The following GLIS3 variants were observed in gnomAD, a reference collection of about 807,000 sequenced individuals.
GLIS3 encodes GLIS family zinc finger 3, also known as zinc finger protein GLIS3.
GLIS3 carries 53 observed loss-of-function variants against 78.6 expected under a neutral mutation model. The ratio of observed to expected loss-of-function variants is 0.67; its 90% confidence interval spans 0.54 to 0.85. The LOEUF is 0.85. Ranked by LOEUF, GLIS3 falls within the 40% of genes least tolerant of loss-of-function variation. The pLI is 0.00. For missense variants in GLIS3, 1,703 were observed against 1,231.1 expected (o/e 1.38, Z -5.74); for synonymous variants, 684 against 509.9 (o/e 1.34, Z -4.60).
intron 2 of GLIS3, among the ~76,000 whole-genome samples, chr9:4,322,424 G>A (rs1178939431): frequency 1.3e-5 from 2 of 152,124 alleles, no homozygotes; most frequent in South Asian, 2.1e-4. Flanking sequence ...CAAAGTAATG[G>A]GATTGCTGGG....
At chr9:4,245,886 C>T (rs7856023) in intron 2 of GLIS3, among the ~76,000 whole-genome samples, 151,073 of 152,304 alleles carry the variant, frequency 0.99, 74,936 homozygotes, top group East Asian at 1. Flanking sequence ...ACAAGTTTTG[C>T]TGGTCTTTCA....
chr9:4,307,165 G>T (rs1306896098), intron 4 of GLIS3, among the ~76,000 whole-genome samples: 1 of 152,122 alleles, frequency 6.6e-6, no homozygotes, highest in Non-Finnish European at 1.5e-5. Flanking sequence ...ACAGTGTAGA[G>T]GCTAATGAGT....
intron 7 of GLIS3, among the ~76,000 whole-genome samples, chr9:3,882,803 T>A (rs903322640): frequency 1.3e-5 from 2 of 152,218 alleles, no homozygotes; most frequent in East Asian, 3.8e-4. Flanking sequence ...ATGTACTTCT[T>A]ATCTAGGGTG....
In GLIS3 at chr9:3,856,079, T is replaced by C; in HGVS notation, c.2403A>G (p.Ser801=). 1.2e-6 allele frequency: 2 copies of C among 1,614,218 alleles called. No individual in the cohort carries two copies. The highest frequency in any genetic ancestry group is 8.5e-7 in the Non-Finnish European group (1 of 1,180,020). The change falls in exon 9 of 11, where the codon TCA becomes TCG. Residue 801 remains serine, a synonymous_variant. Coordinates refer to ENST00000381971, the MANE Select transcript of GLIS3 (RefSeq NM_001042413.2). Reference sequence around the variant, plus strand: ...GCTGATAGGACTTCAGGTGTGAACCTGATGGCTGCTGGGTATAGGGAGGCT... The same window carrying C: ...GCTGATAGGACTTCAGGTGTGAACCCGATGGCTGCTGGGTATAGGGAGGCT... ...RTQPPYTQQP[S]GSHLKSYQPE...
At chr9:4,293,644 T>C (rs1043835343) in intron 1 of GLIS3, among the ~76,000 whole-genome samples, 2 of 151,288 alleles carry the variant, frequency 1.3e-5, no homozygotes, top group African/African-American at 2.4e-5. Flanking sequence ...AGCCCTGGCA[T>C]CTGGTTGGTT....
the GLIS3 span, among the ~76,000 whole-genome samples, chr9:4,370,547 C>T: frequency 4.4e-4 from 67 of 152,256 alleles, 2 homozygotes; most frequent in South Asian, 0.013. Flanking sequence ...ATCACACCCT[C>T]TTTTTCTCTG....
At chr9:4,059,059 CCT>C (rs1352135313) in intron 4 of GLIS3, among the ~76,000 whole-genome samples, 1 of 151,998 alleles carries the variant, frequency 6.6e-6, no homozygotes, top group Non-Finnish European at 1.5e-5. Context: ...CGAAGGGGAC[CCT>C]GAGTCATCTA....
chr9:4,200,854 T>C (rs1019817792), intron 2 of GLIS3, among the ~76,000 whole-genome samples: 4 of 152,112 alleles, frequency 2.6e-5, no homozygotes, highest in East Asian at 3.8e-4. Context: ...AGGATCACCT[T>C]GAGACCAAAA....
chr9:3,944,983 A>C (rs1202224769), intron 4 of GLIS3, among the ~76,000 whole-genome samples: 1 of 152,210 alleles, frequency 6.6e-6, no homozygotes, highest in Non-Finnish European at 1.5e-5. Context: ...TGCTTTGGAG[A>C]CAACTGATGC....
chr9:4,345,962 GAAC>G (rs1419751783), intron 2 of GLIS3, among the ~76,000 whole-genome samples: 1 of 152,018 alleles, frequency 6.6e-6, no homozygotes, highest in African/African-American at 2.4e-5. Flanking sequence ...TATTCAAAAA[GAAC>G]AAATAAAATA....
chr9:4,248,068 A>G (rs954735049), intron 2 of GLIS3, among the ~76,000 whole-genome samples: 2 of 152,130 alleles, frequency 1.3e-5, no homozygotes, highest in African/African-American at 4.8e-5. Flanking sequence ...GTCTCTGAGA[A>G]CCATTATTCT....
chr9:4,471,609 G>A, the GLIS3 span, among the ~76,000 whole-genome samples: 1 of 152,148 alleles, frequency 6.6e-6, no homozygotes, highest in Non-Finnish European at 1.5e-5. Flanking sequence ...ATTAATTCAA[G>A]ATGGATTAAA....
chr9:4,175,463 A>T (rs935369644), intron 2 of GLIS3, among the ~76,000 whole-genome samples: 1 of 150,790 alleles, frequency 6.6e-6, no homozygotes, highest in Non-Finnish European at 1.5e-5. Flanking sequence ...AAAAAGCTGG[A>T]CCTCCAGCTA....
chr9:4,091,344 G>A (rs1258202960), intron 4 of GLIS3, among the ~76,000 whole-genome samples: 1 of 151,892 alleles, frequency 6.6e-6, no homozygotes, highest in Admixed American at 6.6e-5. Context: ...TCCAGCCTGG[G>A]CAACAGAGTG....
intron 2 of GLIS3, among the ~76,000 whole-genome samples, chr9:4,261,306 C>T (rs574483379): frequency 3.9e-5 from 6 of 151,916 alleles, no homozygotes; most frequent in East Asian, 1.9e-4. Context: ...GAGAGTGAGA[C>T]GTGGGACTTG....
At chr9:4,187,925 A>T (rs1817961721) in intron 2 of GLIS3, among the ~76,000 whole-genome samples, 1 of 152,014 alleles carries the variant, frequency 6.6e-6, no homozygotes, top group African/African-American at 2.4e-5. Flanking sequence ...CTAGATATAC[A>T]ATCATGTCAT....
In GLIS3 at chr9:4,118,234, T is replaced by C. The variant is rs1351598978; in HGVS notation, c.1244A>G (p.His415Arg). The change falls in exon 4 of 11, where the codon CAT (histidine) becomes CGT (arginine). Residue 415 changes from histidine (H) to arginine (R), a missense_variant. By Grantham distance (29) the His-to-Arg change is conservative. Transcript: ENST00000381971. This position sits in a 1 kb window ranked among gnomAD's most constrained non-coding sequence, Gnocchi z 4.7. The stretch of plus-strand genomic sequence containing the variant: ...CTGGCTGTCGGGGCCCGGCAGGCCA[T>C]GCTGCACCACCATGTGGTTGACCAG... ...PGLVNHMVVQ[H>R]GLPGPDSQSA... The C allele has an allele frequency of 1.3e-6, 2 of 1,590,110 alleles. No individual in the cohort carries two copies. The highest frequency in any genetic ancestry group is 8.6e-7 in the Non-Finnish European group (1 of 1,168,634).
At chr9:4,412,441 G>A in the GLIS3 span, among the ~76,000 whole-genome samples, 1 of 152,130 alleles carries the variant, frequency 6.6e-6, no homozygotes, top group Non-Finnish European at 1.5e-5. Context: ...CATACCTAGT[G>A]TAACCTAAGA....
chr9:4,291,761 T>C (rs971429684), intron 1 of GLIS3, among the ~76,000 whole-genome samples: 2 of 152,148 alleles, frequency 1.3e-5, no homozygotes, highest in Non-Finnish European at 2.9e-5. Flanking sequence ...TTCAGGACCT[T>C]CAGGAATACA....
Sources: gnomAD v4.1 joint callset for allele counts (sites outside exome capture counted in the v4.1 genomes callset) on GRCh38, gnomAD v4.1.1 for gene constraint, Gnocchi (gnomAD v3.1) non-coding constraint, MANE v1.5 for transcripts, NCBI Gene and HGNC (gene_info 2026-07-23, HGNC 2026-07-21) for gene names.